The following SERINC5 variants were observed in gnomAD, a reference collection of about 807,000 sequenced individuals.
SERINC5 encodes the protein chromosome 5 open reading frame 12.
Under a neutral mutation model 63.1 loss-of-function variants are expected in SERINC5, and 41 were observed. The ratio of observed to expected loss-of-function variants is 0.65; its 90% CI spans 0.51 to 0.84. The LOEUF is 0.84. Among genes scored for constraint, SERINC5 ranks in the 40% least tolerant of loss-of-function variants. SERINC5 has a pLI of 0.00. For missense variants in SERINC5, 523 were observed against 573.0 expected (o/e 0.91, Z 0.89); for synonymous variants, 222 against 215.2 (o/e 1.03, Z -0.28).
chr5:80,194,160 G>C (rs1029724985), intron 2 of SERINC5, among the ~76,000 whole-genome samples: 2 of 152,144 alleles, frequency 1.3e-5, no homozygotes, highest in Non-Finnish European at 2.9e-5. Flanking sequence ...ATCTCAGCTG[G>C]ATTTTAAAAA....
intron 11 of SERINC5, among the ~76,000 whole-genome samples, chr5:80,120,687 C>T (rs62363999): frequency 0.016 from 2,366 of 151,832 alleles, 25 homozygotes; most frequent in Middle Eastern, 0.037. Flanking sequence ...TGGGGGCAGG[C>T]GCCTGTAATC....
At chr5:80,116,851 C>CG (rs1561345011) in intron 11 of SERINC5, among the ~76,000 whole-genome samples, 3 of 149,586 alleles carry the variant, frequency 2.0e-5, no homozygotes, top group Admixed American at 6.6e-5. Flanking sequence ...TTTTTTTAGA[C>CG]GGGGTCTTGC....
At chr5:80,117,257 TCA>T (rs2112224938) in intron 11 of SERINC5, among the ~76,000 whole-genome samples, 1 of 152,234 alleles carries the variant, frequency 6.6e-6, no homozygotes, top group African/African-American at 2.4e-5. Context: ...TGCCGTTTAC[TCA>T]CAGTCCAACT....
downstream of SERINC5, among the ~76,000 whole-genome samples, chr5:80,133,881 T>C (rs900936604): frequency 2.6e-5 from 4 of 152,138 alleles, no homozygotes; most frequent in African/African-American, 9.7e-5. Flanking sequence ...AGGTCAGAGA[T>C]GAAATCACAG....
At chr5:80,186,126 GAAAAAAAAA>G (rs10554934) in intron 2 of SERINC5, among the ~76,000 whole-genome samples, 44 of 61,436 alleles carry the variant, frequency 7.2e-4, no homozygotes, top group African/African-American at 1.6e-3. Flanking sequence ...TTCTTGTTTT[GAAAAAAAAA>G]AAAAAAAAAA....
At position 80,143,055 on chromosome 5, in the gene SERINC5, G is replaced by T; in HGVS notation, c.*608C>A. The T allele has an allele frequency of 1.0e-6, 1 of 985,472 alleles. No homozygotes were observed. The highest frequency in any genetic ancestry group is 1.2e-6 in the Non-Finnish European group (1 of 829,978). 61.0% of individuals were successfully genotyped at this position (985,472 alleles called of 1,614,324 possible). ...GGGAAGGGTGCAGGCAGAGAGTGAA[G>T]TCTGTGATTCCCAGCATCACAACCT... On this transcript the variant is annotated 3_prime_UTR_variant, in exon 12 of 12. Transcript: ENST00000507668.
intron 1 of SERINC5, among the ~76,000 whole-genome samples, chr5:80,252,429 G>A (rs1052215682): frequency 2.0e-5 from 3 of 151,942 alleles, no homozygotes; most frequent in Admixed American, 1.3e-4. Context: ...AGTTAAAGGA[G>A]AACAAGGAAG....
chr5:80,247,376 G>A (rs747803301), intron 1 of SERINC5, among the ~76,000 whole-genome samples: 8 of 152,070 alleles, frequency 5.3e-5, no homozygotes, highest in African/African-American at 9.7e-5. Flanking sequence ...AAACGAGGGC[G>A]GAAAGCAAGC....
intron 11 of SERINC5, chr5:80,129,324 G>A (rs1316862967): frequency 2.0e-5 from 3 of 152,250 alleles, no homozygotes; most frequent in Non-Finnish European, 4.4e-5. Context: ...TTAGAGACAG[G>A]GTCTCCCTCT....
In SERINC5 at chr5:80,140,030, T is replaced by A; in HGVS notation, c.*3633A>T. The A allele has an allele frequency of 1.0e-6, 1 of 985,298 alleles. No homozygotes were observed. The highest frequency in any genetic ancestry group is 1.2e-6 in the Non-Finnish European group (1 of 829,898). 61.0% of individuals were successfully genotyped at this position (985,298 alleles called of 1,614,324 possible). A position where few individuals can be genotyped will look rare whatever the true frequency, so the allele number is the denominator to read the frequency against. On this transcript the variant is annotated 3_prime_UTR_variant, in exon 12 of 12. Transcript: ENST00000507668. Reference sequence around the variant, plus strand: ...GCAAAAATTAAATAAATACATCATCTTAAAAAGGCAGAGGGTAGGCTGCGT... The same window carrying A: ...GCAAAAATTAAATAAATACATCATCATAAAAAGGCAGAGGGTAGGCTGCGT...
chr5:80,198,543 T>C, intron 2 of SERINC5: 1 of 985,392 alleles, frequency 1.0e-6, no homozygotes, highest in South Asian at 4.7e-5. Context: ...AGGAGGCACT[T>C]ACACACTCCC....
At chr5:80,231,388 T>C (rs1751431915) in intron 1 of SERINC5, among the ~76,000 whole-genome samples, 2 of 152,218 alleles carry the variant, frequency 1.3e-5, no homozygotes, top group Admixed American at 1.3e-4. Flanking sequence ...ATTTATAGTT[T>C]GTGATCTGTA....
intron 1 of SERINC5, among the ~76,000 whole-genome samples, chr5:80,243,222 T>C (rs1752025027): frequency 6.6e-6 from 1 of 152,184 alleles, no homozygotes; most frequent in African/African-American, 2.4e-5. Context: ...TAATTCCCTA[T>C]AGTAAATCTT....
chr5:80,216,271 C>T (rs557674878), intron 1 of SERINC5, among the ~76,000 whole-genome samples: 3 of 152,142 alleles, frequency 2.0e-5, no homozygotes, highest in South Asian at 2.1e-4. Context: ...TGCCTCTACC[C>T]GCTAGATGCC....
intron 1 of SERINC5, among the ~76,000 whole-genome samples, chr5:80,242,447 A>G (rs1751982251): frequency 6.6e-6 from 1 of 152,106 alleles, no homozygotes; most frequent in African/African-American, 2.4e-5. Context: ...GCGAAATCCC[A>G]TTTTTACTAA....
At chr5:80,226,781 G>A (rs1235967004) in intron 1 of SERINC5, among the ~76,000 whole-genome samples, 1 of 152,134 alleles carries the variant, frequency 6.6e-6, no homozygotes, top group African/African-American at 2.4e-5. Context: ...GTGCCAGGTA[G>A]GGTCCTCAGT....
intron 1 of SERINC5, among the ~76,000 whole-genome samples, chr5:80,221,429 T>C (rs1750900663): frequency 6.6e-6 from 1 of 151,916 alleles, no homozygotes; most frequent in African/African-American, 2.4e-5. Flanking sequence ...ATATAACAGA[T>C]AAGGGAATCA....
intron 7 of SERINC5, 82 bp from the exon 8 acceptor site, chr5:80,159,044 C>T (rs1222864831): frequency 1.5e-5 from 22 of 1,470,504 alleles, no homozygotes; most frequent in Non-Finnish European, 1.9e-5. Context: ...TGGGAAAATT[C>T]AGGTAGCTGT....
chr5:80,208,471 G>A (rs1427974), intron 1 of SERINC5, among the ~76,000 whole-genome samples: 3,379 of 152,140 alleles, frequency 0.022, 127 homozygotes, highest in African/African-American at 0.078. Flanking sequence ...ATGGATGTTG[G>A]CTGAATAATG....
Sources: allele counts gnomAD v4.1 joint callset (sites outside exome capture counted in the v4.1 genomes callset), GRCh38; gene constraint gnomAD v4.1.1; transcripts MANE v1.5; gene names NCBI Gene and HGNC (gene_info 2026-07-23, HGNC 2026-07-21).